CCDC148: variants seen among roughly 807,000 people sequenced by gnomAD.
CCDC148 encodes coiled-coil domain-containing protein 148.
Under a neutral mutation model 85.7 loss-of-function variants are expected in CCDC148, and 89 were observed. The observed-to-expected ratio is 1.04, with a 90% confidence interval of 0.87 to 1.24. The LOEUF (loss-of-function observed/expected upper bound fraction) is 1.24, where lower values mean the gene tolerates loss of function less well. CCDC148 is among the 50% of genes most tolerant of loss of function. The probability of loss-of-function intolerance (pLI) is 0.00; values close to 1 mark genes in which losing one functional copy is unlikely to be tolerated. For synonymous variants in CCDC148, 230 were observed against 213.9 expected, an observed-to-expected ratio of 1.08 and a Z score of -0.66; for missense variants, 692 against 671.7, an observed-to-expected ratio of 1.03 and a Z score of -0.33.
chr2:158,335,700 C>T (rs1338775059), intron 7 of CCDC148, among the ~76,000 whole-genome samples: 2 of 152,048 alleles, frequency 1.3e-5, no homozygotes, highest in African/African-American at 2.4e-5. Context: ...CTGGCCCCAC[C>T]CTTGACATGT....
At chr2:158,265,765 T>C (rs1689427798) in intron 9 of CCDC148, among the ~76,000 whole-genome samples, 1 of 152,128 alleles carries the variant, frequency 6.6e-6, no homozygotes, top group Admixed American at 6.6e-5. Context: ...CTCTGTTGGG[T>C]AGCCAACATA....
intron 9 of CCDC148, among the ~76,000 whole-genome samples, chr2:158,285,972 G>A (rs1042327044): frequency 1.3e-5 from 2 of 152,014 alleles, no homozygotes; most frequent in African/African-American, 4.8e-5. Context: ...ATAAGTAAAA[G>A]GTATAAGCAC....
At chr2:158,283,942 A>G (rs1302965870) in intron 9 of CCDC148, among the ~76,000 whole-genome samples, 5 of 151,742 alleles carry the variant, frequency 3.3e-5, no homozygotes, top group African/African-American at 9.7e-5. Flanking sequence ...AATACTATGC[A>G]GCCATAAAAA....
chr2:158,310,878 G>T (rs1358476793), intron 8 of CCDC148, among the ~76,000 whole-genome samples: 16 of 151,466 alleles, frequency 1.1e-4, no homozygotes, highest in African/African-American at 3.9e-4. Flanking sequence ...TCCCAGACTG[G>T]GTGGCCGGGC....
At chr2:158,450,228 T>C (rs1688351015) in intron 1 of CCDC148, among the ~76,000 whole-genome samples, 1 of 152,216 alleles carries the variant, frequency 6.6e-6, no homozygotes, top group Non-Finnish European at 1.5e-5. Flanking sequence ...TTTAATAACC[T>C]TCTTTCTACC....
At chr2:158,283,625 A>G (rs1690455556) in intron 9 of CCDC148, among the ~76,000 whole-genome samples, 1 of 152,130 alleles carries the variant, frequency 6.6e-6, no homozygotes, top group African/African-American at 2.4e-5. Context: ...GTCAGGAAAC[A>G]ACAGGTGCTG....
chr2:158,342,792 A>T (rs1297590427), intron 3 of CCDC148, among the ~76,000 whole-genome samples: 1 of 152,104 alleles, frequency 6.6e-6, no homozygotes, highest in East Asian at 1.9e-4. Flanking sequence ...GCACACAAAA[A>T]CTTAAGGGAT....
intron 10 of CCDC148, among the ~76,000 whole-genome samples, chr2:158,245,623 C>G (rs1183178482): frequency 1.3e-5 from 2 of 152,158 alleles, no homozygotes; most frequent in African/African-American, 4.8e-5. Flanking sequence ...CTGTGGAACT[C>G]TAAACTAGGC....
intron 9 of CCDC148, among the ~76,000 whole-genome samples, chr2:158,254,421 G>A (rs1346942729): frequency 6.6e-5 from 10 of 151,650 alleles, no homozygotes. Context: ...GGGCAGGAGG[G>A]AGTAAGTAAG....
chr2:158,365,287 C>T (rs777705475), intron 1 of CCDC148, among the ~76,000 whole-genome samples: 7 of 152,028 alleles, frequency 4.6e-5, no homozygotes, highest in Non-Finnish European at 8.8e-5. Flanking sequence ...ATCATTTTAC[C>T]CAGCAAGCCC....
chr2:158,351,756 C>T (rs985761396), intron 2 of CCDC148, among the ~76,000 whole-genome samples: 1 of 152,130 alleles, frequency 6.6e-6, no homozygotes, highest in African/African-American at 2.4e-5. Flanking sequence ...CCTCTGTAGG[C>T]TCCACCTCTG....
intron 11 of CCDC148, among the ~76,000 whole-genome samples, chr2:158,193,602 T>TA (rs1439825618): frequency 2.0e-5 from 3 of 151,870 alleles, no homozygotes; most frequent in African/African-American, 4.8e-5. Context: ...CTACAAAGAA[T>TA]AAAAAAAGCC....
At chr2:158,437,785 G>C (rs1221098879) in intron 1 of CCDC148, among the ~76,000 whole-genome samples, 2 of 152,136 alleles carry the variant, frequency 1.3e-5, no homozygotes, top group Non-Finnish European at 2.9e-5. Context: ...CAAAGTCTCA[G>C]GATACAAAAT....
At chr2:158,378,823 C>T (rs901994723) in intron 1 of CCDC148, among the ~76,000 whole-genome samples, 1 of 152,154 alleles carries the variant, frequency 6.6e-6, no homozygotes, top group Admixed American at 6.6e-5. Flanking sequence ...ACTGTTGAGA[C>T]TTACTGCTCA....
intron 7 of CCDC148, among the ~76,000 whole-genome samples, chr2:158,323,070 T>C (rs996540161): frequency 2.0e-5 from 3 of 152,190 alleles, no homozygotes; most frequent in African/African-American, 7.2e-5. Flanking sequence ...CTTGTCTTCA[T>C]GTTACTGATG....
intron 1 of CCDC148, among the ~76,000 whole-genome samples, chr2:158,430,149 G>C (rs1361160584): frequency 1.3e-5 from 2 of 152,110 alleles, no homozygotes; most frequent in East Asian, 3.9e-4. Flanking sequence ...GTTCACACAG[G>C]GATGAAGATG....
chr2:158,453,093 A>G (rs1281362844), intron 1 of CCDC148, among the ~76,000 whole-genome samples: 1 of 152,236 alleles, frequency 6.6e-6, no homozygotes, highest in Non-Finnish European at 1.5e-5. Flanking sequence ...TCCAAGAACT[A>G]AACAAAGGAC....
At chr2:158,333,052 A>G (rs1316995986) in intron 7 of CCDC148, among the ~76,000 whole-genome samples, 1 of 151,688 alleles carries the variant, frequency 6.6e-6, no homozygotes, top group African/African-American at 2.4e-5. Context: ...CTCTGATCTT[A>G]GTTATTTCTT....
intron 9 of CCDC148, among the ~76,000 whole-genome samples, chr2:158,296,972 A>G (rs1371697826): frequency 6.6e-6 from 1 of 152,162 alleles, no homozygotes; most frequent in Non-Finnish European, 1.5e-5. Flanking sequence ...TTCTGCTAAT[A>G]TTGTATCCAT....
Sources: allele counts gnomAD v4.1 joint callset (sites outside exome capture counted in the v4.1 genomes callset), GRCh38; gene constraint gnomAD v4.1.1; transcripts MANE v1.5; gene names NCBI Gene and HGNC (gene_info 2026-07-23, HGNC 2026-07-21).